Variants in NUP210 observed in about 807,000 individuals in gnomAD.
NUP210 encodes the protein nucleoporin 210, also known as nuclear pore membrane glycoprotein 210.
NUP210 carries 151 observed loss-of-function variants against 196.0 expected under a neutral mutation model. The observed-to-expected ratio is 0.77, with a 90% confidence interval of 0.67 to 0.88. NUP210 has a LOEUF of 0.88. Among genes scored for constraint, NUP210 ranks in the 40% least tolerant of loss-of-function variants. The pLI is 0.00. For synonymous variants in NUP210, 1,070 were observed against 1,052.7 expected (o/e 1.02, Z -0.32); for missense variants, 2,314 against 2,493.7 (o/e 0.93, Z 1.53).
chr3:13,399,631 A>T, intron 2 of NUP210, 94 bp downstream of exon 2: 1 of 1,547,534 alleles, frequency 6.5e-7, no homozygotes, highest in South Asian at 1.2e-5. Flanking sequence ...AAGCCCTGCC[A>T]TGGGCTCAGG....
rs372138569 is a variant in NUP210, at chr3:13,327,391, C to T, written c.4333G>A (p.Val1445Ile). Residue 1445 changes from valine (V) to isoleucine (I), a missense_variant, in exon 32 of 40, where the codon GTT (valine) becomes ATT (isoleucine). Val to Ile is a conservative substitution (Grantham distance 29). Coordinates refer to ENST00000254508, the MANE Select transcript of NUP210 (RefSeq NM_024923.4). The part of the protein sequence containing the change: ...IGKGPTNNTC[V>I]VRTVSVGLTL... The stretch of plus-strand genomic sequence containing the variant: ...AGGCCCACGCTGACTGTGCGGACAA[C>T]GCAGGTGTTGTTGGTGGGGCCCTTC... 49 of 1,613,330 alleles carry T rather than the reference C, an allele frequency of 3.0e-5. No individual in the cohort carries two copies. The highest frequency in any genetic ancestry group is 2.1e-4 in the African/African-American group (16 of 74,918).
intron 13 of NUP210, among the ~76,000 whole-genome samples, chr3:13,371,008 C>T (rs1036136195): frequency 1.3e-5 from 2 of 152,254 alleles, no homozygotes; most frequent in Non-Finnish European, 2.9e-5. Context: ...CACCTCTGGG[C>T]CCTGGTACAG....
chr3:13,327,966 G>A (rs1696843135), intron 31 of NUP210, among the ~76,000 whole-genome samples: 2 of 152,328 alleles, frequency 1.3e-5, no homozygotes, highest in South Asian at 4.1e-4. Context: ...TGTTGGCAAT[G>A]GCAGCTTTGG....
In NUP210 at chr3:13,420,053, G is replaced by A. The variant is rs770266054; in HGVS notation, c.167+7C>T. On this transcript the variant is annotated splice_region_variant and intron_variant, in intron 1 of 39. Coordinates refer to ENST00000254508, the MANE Select transcript of NUP210 (RefSeq NM_024923.4). This position sits in a 1 kb window ranked among gnomAD's most constrained non-coding sequence, Gnocchi z 4.8. Reference sequence around the variant, plus strand: ...CGGCGCCCGCCCGGCCCGGCCGCGCGCCTCACCAGCGGTAGCAGCCCTCCG... The same window carrying A: ...CGGCGCCCGCCCGGCCCGGCCGCGCACCTCACCAGCGGTAGCAGCCCTCCG... 1.6e-6 allele frequency: 2 copies of A among 1,289,944 alleles called. No individual in the cohort carries two copies. The highest frequency in any genetic ancestry group is 2.0e-6 in the Non-Finnish European group (2 of 1,001,652). The allele number at this position is 1,289,944 out of a possible 1,614,324, so 79.9% of individuals were successfully genotyped here.
At position 13,322,197 on chromosome 3, in the gene NUP210, A is replaced by G. The variant is rs1458614282; in HGVS notation, c.4911T>C (p.Ala1637=). The G allele has an allele frequency of 6.2e-7, 1 of 1,614,234 alleles. No individual in the cohort carries two copies. The highest frequency in any genetic ancestry group is 8.5e-7 in the Non-Finnish European group (1 of 1,180,036). ...CTTTCAAATCCTCGCAATTACCGAG[A>G]GCAGTGTCAAACTGTGGCTCCACGG... ...VFTVEPQFDT[A]LGQYFCSITM... Residue 1637 remains alanine, a synonymous_variant, in exon 35 of 40, where the codon GCT becomes GCC. Transcript: ENST00000254508.
At chr3:13,402,696 T>C (rs1699878934) in intron 1 of NUP210, among the ~76,000 whole-genome samples, 1 of 140,068 alleles carries the variant, frequency 7.1e-6, no homozygotes, top group Non-Finnish European at 1.5e-5. Flanking sequence ...GGCCACGTTT[T>C]CATTTTCCGT....
intron 1 of NUP210, among the ~76,000 whole-genome samples, chr3:13,414,994 T>C (rs1700298540): frequency 6.6e-6 from 1 of 152,118 alleles, no homozygotes; most frequent in African/African-American, 2.4e-5. Flanking sequence ...TCCCAGCACT[T>C]TGGGAGGCTG....
chr3:13,365,157 G>A (rs541300315), intron 14 of NUP210, among the ~76,000 whole-genome samples: 2 of 152,176 alleles, frequency 1.3e-5, no homozygotes, highest in Non-Finnish European at 2.9e-5. Context: ...GCCCTCGCAC[G>A]GAGCCTTCAC....
intron 20 of NUP210, 39 bp from the exon 21 acceptor site, chr3:13,343,342 G>GGGT: frequency 3.4e-5 from 22 of 655,976 alleles, no homozygotes; most frequent in Admixed American, 1.3e-4. Flanking sequence ...TGGGTGGTGG[G>GGGT]TTACGCAGCT....
intron 6 of NUP210, among the ~76,000 whole-genome samples, chr3:13,382,017 G>T (rs1699118881): frequency 6.6e-6 from 1 of 152,152 alleles, no homozygotes; most frequent in African/African-American, 2.4e-5. Flanking sequence ...ACAGTTAAGT[G>T]CCTGCCAGAT....
At chr3:13,346,844 C>T (rs752891129) in intron 20 of NUP210, among the ~76,000 whole-genome samples, 8 of 152,208 alleles carry the variant, frequency 5.3e-5, no homozygotes, top group Non-Finnish European at 1.0e-4. Flanking sequence ...TGATTACCCG[C>T]CCTCAAGGCA....
In NUP210 at chr3:13,353,646, A is replaced by G; in HGVS notation, c.2536T>C (p.Leu846=). The change falls in exon 18 of 40, where the codon TTG becomes CTG. Residue 846 remains leucine, a synonymous_variant. Transcript: ENST00000254508. ...GTGGTTCCTGATGCCTCGTGAACCA[A>G]AATGGCCTGCAAACCTGAGACCAGG... ...QKKLHGLQAI[L]VHEASGTTAI... 6.2e-7 allele frequency: 1 copy of G among 1,614,108 alleles called. No individual in the cohort carries two copies. Among genetic ancestry groups the G allele is most frequent in the East Asian group, 2.2e-5 (1 of 44,884 alleles).
intron 14 of NUP210, among the ~76,000 whole-genome samples, chr3:13,361,802 C>T (rs560279041): frequency 6.6e-6 from 1 of 152,304 alleles, no homozygotes; most frequent in Non-Finnish European, 1.5e-5. Context: ...CAGCTTCTGT[C>T]CTGGGACTTG....
At chr3:13,342,213 C>G (rs1697539864) in intron 21 of NUP210, 90 bp from the exon 22 acceptor site, 3 of 1,502,398 alleles carry the variant, frequency 2.0e-6, no homozygotes, top group Admixed American at 3.6e-5. Flanking sequence ...GATAGCATCA[C>G]TAACCTCAAC....
At chr3:13,346,440 A>G (rs1471493861) in intron 20 of NUP210, among the ~76,000 whole-genome samples, 2 of 152,254 alleles carry the variant, frequency 1.3e-5, no homozygotes, top group Non-Finnish European at 2.9e-5. Context: ...ACCCATGCCC[A>G]GGATGAATTT....
At chr3:13,338,043 C>G in intron 25 of NUP210, 126 bp from the exon 26 acceptor site, 2 of 810,658 alleles carry the variant, frequency 2.5e-6, no homozygotes, top group South Asian at 3.3e-5. Context: ...CTCAGGATGA[C>G]CAGCACCATG....
Position 13,415,868 on chromosome 3 carries a change from C to T in NUP210, c.167+4192G>A, listed in dbSNP as rs956503180. Among the ~76,000 whole-genome samples the T allele has an allele frequency of 1.8e-4, 28 of 152,284 alleles. 3 individuals carry two copies. The highest frequency in any genetic ancestry group is 8.5e-4 in the Admixed American group (13 of 15,306). ...AGCGTGCATCCCTCACCCTTAGTGCCCAACTTCACCCACGAAGGCCTGTGA... is the reference window on the plus strand; with the variant it reads ...AGCGTGCATCCCTCACCCTTAGTGCTCAACTTCACCCACGAAGGCCTGTGA... On this transcript the variant is annotated intron_variant, in intron 1 of 39. Transcript: ENST00000254508.
Position 13,378,973 on chromosome 3 carries a change from G to A in NUP210, c.984C>T (p.Arg328=). ...SSLVLGHRSI[R]MQGASRLPNS... ...TGGGTAACCTAGAAGCACCTTGCAT[G>A]CGAATACCTGAATTTTGAATTAAGG... The change falls in exon 8 of 40, where the codon CGC becomes CGT. Residue 328 remains arginine (R), a synonymous_variant. Coordinates refer to ENST00000254508, the MANE Select transcript of NUP210 (RefSeq NM_024923.4). 1 of 1,613,920 alleles carries A rather than the reference G, an allele frequency of 6.2e-7. No homozygotes were observed.
At chr3:13,319,667 T>C (rs540592935) in intron 37 of NUP210, 96 bp downstream of exon 37, 30 of 1,052,064 alleles carry the variant, frequency 2.9e-5, no homozygotes, top group Admixed American at 1.6e-4. Flanking sequence ...GACTCCTCCA[T>C]TTCTTACACC....
Sources: gnomAD v4.1 joint callset for allele counts (sites outside exome capture counted in the v4.1 genomes callset) on GRCh38, gnomAD v4.1.1 for gene constraint, Gnocchi (gnomAD v3.1) non-coding constraint, MANE v1.5 for transcripts, NCBI Gene and HGNC (gene_info 2026-07-23, HGNC 2026-07-21) for gene names.